The following ANKFN1 variants were observed in gnomAD, a reference collection of about 807,000 sequenced individuals.
The protein encoded by ANKFN1 is ankyrin repeat and fibronectin type-III domain-containing protein 1.
A neutral mutation model predicts 108.7 loss-of-function variants in ANKFN1; 74 were observed. The ratio of observed to expected loss-of-function variants is 0.68; its 90% confidence interval spans 0.56 to 0.83. The LOEUF (loss-of-function observed/expected upper bound fraction) is 0.83. Ranked by LOEUF, ANKFN1 falls within the 40% of genes least tolerant of loss-of-function variation. The pLI, the probability that ANKFN1 is intolerant of heterozygous loss-of-function variation, is 0.00. For missense variants in ANKFN1, 1,505 were observed against 1,382.3 expected, an observed-to-expected ratio of 1.09 and a Z score of -1.41; for synonymous variants, 547 against 516.2, an observed-to-expected ratio of 1.06 and a Z score of -0.81.
intron 8 of ANKFN1, among the ~76,000 whole-genome samples, chr17:56,414,383 A>T (rs927720359): frequency 1.3e-5 from 2 of 152,208 alleles, no homozygotes; most frequent in Non-Finnish European, 1.5e-5. Flanking sequence ...GGAACTTCCA[A>T]ACTCATTCTA....
chr17:56,351,110 G>T, intron 5 of ANKFN1, 143 bp downstream of exon 5: 1 of 749,698 alleles, frequency 1.3e-6, no homozygotes, highest in Non-Finnish European at 2.1e-6. Flanking sequence ...AGGTAGGGTA[G>T]TAACTGTACA....
At chr17:56,396,677 T>G (rs1598523929) in intron 8 of ANKFN1, among the ~76,000 whole-genome samples, 1 of 152,210 alleles carries the variant, frequency 6.6e-6, no homozygotes, top group Non-Finnish European at 1.5e-5. Context: ...CAGGACTTTA[T>G]AGGCATTGCT....
chr17:56,289,088 A>C (rs1390201247), intron 3 of ANKFN1, among the ~76,000 whole-genome samples: 1 of 152,194 alleles, frequency 6.6e-6, no homozygotes. Flanking sequence ...GGAAGAATGC[A>C]GGGATGGAAA....
chr17:56,424,755 G>A (rs1281082754), intron 8 of ANKFN1, among the ~76,000 whole-genome samples: 1 of 152,116 alleles, frequency 6.6e-6, no homozygotes, highest in African/African-American at 2.4e-5. Context: ...ACTTTTCTTG[G>A]GGAAATAACA....
intron 4 of ANKFN1, among the ~76,000 whole-genome samples, chr17:56,144,521 G>T (rs1176776478): frequency 2.0e-5 from 3 of 152,174 alleles, no homozygotes; most frequent in East Asian, 3.8e-4. Flanking sequence ...GATTTAAACC[G>T]CATGCCCTCG....
intron 1 of ANKFN1, among the ~76,000 whole-genome samples, chr17:56,170,807 T>TAC (rs112596144): frequency 0.024 from 1,489 of 61,366 alleles, 32 homozygotes; most frequent in Middle Eastern, 0.053. Flanking sequence ...TATATATATA[T>TAC]ACACACACAC....
chr17:56,386,250 T>A (rs2047263856), intron 8 of ANKFN1, among the ~76,000 whole-genome samples: 1 of 151,194 alleles, frequency 6.6e-6, no homozygotes, highest in Non-Finnish European at 1.5e-5. Context: ...ATGTTCTCAC[T>A]CATAGGTGGG....
At chr17:56,501,929 T>G (rs1429042167) in intron 20 of ANKFN1, among the ~76,000 whole-genome samples, 1 of 152,174 alleles carries the variant, frequency 6.6e-6, no homozygotes. Context: ...TGAGAGCAGT[T>G]TTTGAAAAGA....
At chr17:56,160,469 G>A (rs994344063) in intron 1 of ANKFN1, among the ~76,000 whole-genome samples, 1 of 151,160 alleles carries the variant, frequency 6.6e-6, no homozygotes, top group African/African-American at 2.4e-5. Flanking sequence ...ACATTCAGCG[G>A]TCTGTTTGCT....
At position 56,510,802 on chromosome 17, in the gene ANKFN1, C is replaced by T; in HGVS notation, c.2974C>T (p.Pro992Ser). 1 of 1,536,178 alleles carries T rather than the reference C, an allele frequency of 6.5e-7. No individual in the cohort carries two copies. Among genetic ancestry groups the T allele is most frequent in the Non-Finnish European group, 8.7e-7 (1 of 1,146,908 alleles). Residue 992 changes from proline to serine, a missense_variant, in exon 21 of 21, where the codon CCC (proline) becomes TCC (serine). Coordinates refer to ENST00000682825, the MANE Select transcript of ANKFN1 (RefSeq NM_001370326.1). ...NHAKTVSGGRPPLGFLGKRKP... is the reference protein window; with the variant it reads ...NHAKTVSGGRSPLGFLGKRKP... ...CGCCAAGACTGTGTCCGGTGGGCGG[C>T]CCCCGCTAGGCTTCCTGGGAAAGCG...
At chr17:56,058,763 C>G (rs544386439) in intron 4 of ANKFN1, among the ~76,000 whole-genome samples, 5 of 152,318 alleles carry the variant, frequency 3.3e-5, no homozygotes, top group African/African-American at 1.2e-4. Context: ...AGGACATGAT[C>G]TCATTCACTT....
chr17:56,482,155 G>T (rs2050728760), intron 17 of ANKFN1, among the ~76,000 whole-genome samples: 1 of 152,186 alleles, frequency 6.6e-6, no homozygotes, highest in South Asian at 2.1e-4. Context: ...TGTTTTCAGA[G>T]TTTATGTGGA....
At chr17:56,391,251 ATGTGTGTGTGTGTGTG>A (rs370505483) in intron 8 of ANKFN1, among the ~76,000 whole-genome samples, 2 of 135,370 alleles carry the variant, frequency 1.5e-5, no homozygotes, top group African/African-American at 6.2e-5. Context: ...ATATATATGT[ATGTGTGTGTGTGTGTG>A]TACATATATA....
At chr17:56,470,743 C>G (rs1411833483) in intron 15 of ANKFN1, among the ~76,000 whole-genome samples, 4 of 152,204 alleles carry the variant, frequency 2.6e-5, no homozygotes, top group Admixed American at 2.6e-4. Context: ...GTCCAACTCC[C>G]TCAAATTCCT....
At chr17:56,387,123 A>T (rs1461886586) in intron 8 of ANKFN1, among the ~76,000 whole-genome samples, 1 of 151,946 alleles carries the variant, frequency 6.6e-6, no homozygotes, top group Non-Finnish European at 1.5e-5. Context: ...CATAAATTCT[A>T]TTTTATGCTT....
chr17:56,098,779 T>C (rs976948973), intron 4 of ANKFN1, among the ~76,000 whole-genome samples: 12 of 152,188 alleles, frequency 7.9e-5, no homozygotes, highest in African/African-American at 2.9e-4. Flanking sequence ...TTCAAATGTA[T>C]GACCAGAAAA....
chr17:56,151,222 T>C (rs903468760), upstream of ANKFN1, among the ~76,000 whole-genome samples: 5 of 152,182 alleles, frequency 3.3e-5, no homozygotes, highest in Non-Finnish European at 7.3e-5. Flanking sequence ...ACCTGCTGTT[T>C]TCATCATGAA....
In ANKFN1 at chr17:56,270,802, C is replaced by T. The variant is rs142076439; in HGVS notation, c.53+42845C>T. 1.7e-3 allele frequency among the ~76,000 whole-genome samples: 266 copies of T among 152,222 alleles called. 1 individual carries two copies. Among genetic ancestry groups the T allele is most frequent in the African/African-American group, 5.9e-3 (247 of 41,538 alleles). The stretch of plus-strand genomic sequence containing the variant: ...TTTCAGGGTCTTTTTGTTGTTTCCT[C>T]AGCCTGTAATGTTCTTTTTCCTGCA... On this transcript the variant is annotated intron_variant, in intron 3 of 20. Coordinates refer to ENST00000682825, the MANE Select transcript of ANKFN1 (RefSeq NM_001370326.1).
intron 4 of ANKFN1, among the ~76,000 whole-genome samples, chr17:56,076,277 C>G (rs1427647939): frequency 6.6e-6 from 1 of 152,198 alleles, no homozygotes; most frequent in Non-Finnish European, 1.5e-5. Flanking sequence ...CCAGGTGCTG[C>G]TACTATACCA....
Sources: gnomAD v4.1 joint callset for allele counts (sites outside exome capture counted in the v4.1 genomes callset) on GRCh38, gnomAD v4.1.1 for gene constraint, MANE v1.5 for transcripts, NCBI Gene and HGNC (gene_info 2026-07-23, HGNC 2026-07-21) for gene names.